Variants in DRAM1 observed in about 807,000 individuals in gnomAD.
The protein encoded by DRAM1 is DNA damage-regulated autophagy modulator protein 1.
A neutral mutation model predicts 28.5 loss-of-function variants in DRAM1; 25 were observed. The ratio of observed to expected loss-of-function variants is 0.88; its 90% CI spans 0.64 to 1.23. The LOEUF (loss-of-function observed/expected upper bound fraction) is 1.23, where lower values mean the gene tolerates loss of function less well. Among genes scored for constraint, DRAM1 ranks in the 50% most tolerant of loss-of-function variants. The pLI is 0.00. For synonymous variants in DRAM1, 113 were observed against 114.2 expected (o/e 0.99, Z 0.07); for missense variants, 249 against 299.2 (o/e 0.83, Z 1.24).
chr12:101,920,297 C>CTTTTTTTTTTT lies in DRAM1; in HGVS notation c.672+105_672+115dup, dbSNP rs373899697. The CTTTTTTTTTTT allele has an allele frequency of 1.6e-3, 444 of 276,822 alleles. 4 individuals are homozygous for CTTTTTTTTTTT. Among genetic ancestry groups the CTTTTTTTTTTT allele is most frequent in the Admixed American group, 3.9e-3 (46 of 11,832 alleles). The allele number at this position is 276,822 out of a possible 1,614,324, so 17.1% of individuals were successfully genotyped here. A position where few individuals can be genotyped will look rare whatever the true frequency, so the allele number is the denominator to read the frequency against. On this transcript the variant is annotated intron_variant, in intron 6 of 6. Coordinates refer to ENST00000258534, the MANE Select transcript of DRAM1 (RefSeq NM_018370.3). The stretch of plus-strand genomic sequence containing the variant: ...TTTGCATTTTTAAAAAGAGCACTTT[C>CTTTTTTTTTTT]TTTTTTTTTTTTTTTTTTTGAGACG...
At chr12:101,895,566 A>ATTTTTGGTG (rs61325494) in intron 1 of DRAM1, among the ~76,000 whole-genome samples, 1 of 103,422 alleles carries the variant, frequency 9.7e-6, no homozygotes, top group Non-Finnish European at 1.8e-5. Flanking sequence ...AAGGGAGGCT[A>ATTTTTGGTG]TTTTTTTTTT....
chr12:101,880,199 T>G (rs1198194994), intron 1 of DRAM1, among the ~76,000 whole-genome samples: 1 of 151,364 alleles, frequency 6.6e-6, no homozygotes, highest in Non-Finnish European at 1.5e-5. Context: ...TAGATAGGCA[T>G]GCACAACCAT....
At position 101,921,081 on chromosome 12, in the gene DRAM1, T is replaced by C. The variant is rs567445049; in HGVS notation, c.673-135T>C. 3 of 701,194 alleles carry C rather than the reference T, an allele frequency of 4.3e-6. No individual in the cohort carries two copies. The East Asian group carries it at 7.8e-5, about 18-fold the overall frequency. The allele number at this position is 701,194 out of a possible 1,614,324, so 43.4% of individuals were successfully genotyped here. On this transcript the variant is annotated intron_variant, in intron 6 of 6. Coordinates refer to ENST00000258534, the MANE Select transcript of DRAM1 (RefSeq NM_018370.3). ...GATATAGAAAGCCAAGAAAATTCTT[T>C]AGGACCTGACTCAAGCATAGCACAA...
intron 6 of DRAM1, among the ~76,000 whole-genome samples, chr12:101,920,901 G>A (rs1305118525): frequency 6.6e-6 from 1 of 152,066 alleles, no homozygotes; most frequent in Non-Finnish European, 1.5e-5. Context: ...ACAAGAGCGA[G>A]ACTCTATCTC....
Position 101,922,352 on chromosome 12 carries a change from C to T in DRAM1, c.*1092C>T, listed in dbSNP as rs1424535675. 1 of 152,210 alleles carries T rather than the reference C, an allele frequency of 6.6e-6. No homozygotes were observed. The highest frequency in any genetic ancestry group is 1.5e-5 in the Non-Finnish European group (1 of 68,066). 9.4% of individuals were successfully genotyped at this position (152,210 alleles called of 1,614,324 possible). A position where few individuals can be genotyped will look rare whatever the true frequency, so the allele number is the denominator to read the frequency against. ...AAGTTATTCCAGAGGAAGAAGCAGC[C>T]CTTGAAATGTTAAGGCTTAGGCTTG... is the stretch of plus-strand genomic sequence containing the variant. On this transcript the variant is annotated 3_prime_UTR_variant, in exon 7 of 7. Coordinates refer to ENST00000258534, the MANE Select transcript of DRAM1 (RefSeq NM_018370.3).
intron 4 of DRAM1, among the ~76,000 whole-genome samples, chr12:101,911,229 C>T (rs1390508336): frequency 2.0e-5 from 3 of 151,838 alleles, no homozygotes; most frequent in African/African-American, 4.8e-5. Context: ...AGTGAGACTC[C>T]GTCTCAAAAA....
chr12:101,920,251 G>A (rs777400219), intron 6 of DRAM1, 50 bp downstream of exon 6: 3 of 1,186,656 alleles, frequency 2.5e-6, no homozygotes, highest in South Asian at 2.7e-5. Context: ...ATTAGGATTA[G>A]TAAAAATTTG....
intron 1 of DRAM1, chr12:101,890,353 G>T (rs12322484): frequency 0.63 from 149,750 of 237,166 alleles, 49,759 homozygotes; most frequent in East Asian, 0.91. Flanking sequence ...GTGCTGGGAT[G>T]ACAGGTGAGA....
At chr12:101,894,083 G>A (rs1378967082) in intron 1 of DRAM1, among the ~76,000 whole-genome samples, 3 of 151,672 alleles carry the variant, frequency 2.0e-5, no homozygotes, top group Non-Finnish European at 2.9e-5. Flanking sequence ...GGTAGGTGCC[G>A]CCATGCCTGG....
intron 3 of DRAM1, among the ~76,000 whole-genome samples, chr12:101,906,495 A>G (rs1191421708): frequency 6.6e-6 from 1 of 152,224 alleles, no homozygotes; most frequent in East Asian, 1.9e-4. Flanking sequence ...GTTCAAGCTT[A>G]AGTCAAGACC....
At chr12:101,885,386 C>T (rs777352813) in intron 1 of DRAM1, among the ~76,000 whole-genome samples, 4 of 152,288 alleles carry the variant, frequency 2.6e-5, no homozygotes, top group South Asian at 2.1e-4. Flanking sequence ...TCTGCTACTA[C>T]GAAACCCTGC....
At chr12:101,914,984 CT>C (rs71094528) in intron 5 of DRAM1, among the ~76,000 whole-genome samples, 127,286 of 135,780 alleles carry the variant, frequency 0.94, 59,948 homozygotes, top group East Asian at 1. Context: ...TTCTTTCTTT[CT>C]TTTTTTTTTT....
intron 1 of DRAM1, among the ~76,000 whole-genome samples, chr12:101,879,433 C>G (rs1300588581): frequency 6.6e-6 from 1 of 152,132 alleles, no homozygotes; most frequent in Non-Finnish European, 1.5e-5. Flanking sequence ...TCGGTTTTTT[C>G]CATTTATTGT....
At position 101,923,196 on chromosome 12, in the gene DRAM1, AAGAC is replaced by A. The variant is rs1368038386; in HGVS notation, c.*1939_*1942del. ...ATCCCCCTTGTAACACTGGAACTGA[AAGAC>A]AGTGATGAAAGCTATGTCAAGCATT... On this transcript the variant is annotated 3_prime_UTR_variant, in exon 7 of 7. Coordinates refer to ENST00000258534, the MANE Select transcript of DRAM1 (RefSeq NM_018370.3). 1 of 152,262 alleles carries A rather than the reference AAGAC, an allele frequency of 6.6e-6. No individual in the cohort carries two copies. The highest frequency in any genetic ancestry group is 1.5e-5 in the Non-Finnish European group (1 of 68,044). The allele number at this position is 152,262 out of a possible 1,614,324, so 9.4% of individuals were successfully genotyped here. A position where few individuals can be genotyped will look rare whatever the true frequency, so the allele number is the denominator to read the frequency against.
At chr12:101,882,810 C>T (rs12317433) in intron 1 of DRAM1, among the ~76,000 whole-genome samples, 1 of 148,868 alleles carries the variant, frequency 6.7e-6, no homozygotes, top group Admixed American at 6.7e-5. Context: ...TACACACACA[C>T]CCCCCCATCA....
intron 3 of DRAM1, among the ~76,000 whole-genome samples, chr12:101,902,935 T>G (rs79576741): frequency 5.9e-5 from 9 of 151,856 alleles, no homozygotes; most frequent in Admixed American, 1.3e-4. Flanking sequence ...TTTCTTTTTT[T>G]GTAGAGACAG....
intron 1 of DRAM1, among the ~76,000 whole-genome samples, chr12:101,878,359 G>A (rs927294858): frequency 2.6e-5 from 4 of 152,154 alleles, no homozygotes; most frequent in Non-Finnish European, 4.4e-5. Flanking sequence ...TATTATTCCC[G>A]CAAGCGAGCG....
At chr12:101,917,678 G>C (rs1237337172) in intron 5 of DRAM1, among the ~76,000 whole-genome samples, 3 of 140,138 alleles carry the variant, frequency 2.1e-5, no homozygotes, top group Non-Finnish European at 4.5e-5. Context: ...TGTGCAACAA[G>C]AGTGAGACTC....
intron 1 of DRAM1, among the ~76,000 whole-genome samples, chr12:101,888,648 G>A (rs1022364266): frequency 2.6e-5 from 4 of 151,754 alleles, no homozygotes; most frequent in African/African-American, 9.7e-5. Flanking sequence ...CTGTCATTTG[G>A]GTACAACAAA....
Sources: allele counts gnomAD v4.1 joint callset (sites outside exome capture counted in the v4.1 genomes callset), GRCh38; gene constraint gnomAD v4.1.1; transcripts MANE v1.5; gene names NCBI Gene and HGNC (gene_info 2026-07-23, HGNC 2026-07-21).